The following SLC38A1 variants were observed in gnomAD, a reference collection of about 807,000 sequenced individuals.
The protein encoded by SLC38A1 is sodium-coupled neutral amino acid symporter 1.
A neutral mutation model predicts 60.3 loss-of-function variants in SLC38A1; 18 were observed. The ratio of observed to expected loss-of-function variants is 0.30; its 90% confidence interval spans 0.21 to 0.44. The LOEUF (loss-of-function observed/expected upper bound fraction) is 0.44. Among genes scored for constraint, SLC38A1 ranks in the 20% least tolerant of loss-of-function variants. The pLI is 1.00. For synonymous variants in SLC38A1, 196 were observed against 212.1 expected, an observed-to-expected ratio of 0.92 and a Z score of 0.66; for missense variants, 448 against 587.2, an observed-to-expected ratio of 0.76 and a Z score of 2.45.
At chr12:46,201,448 C>A (rs1939656072) in intron 12 of SLC38A1, among the ~76,000 whole-genome samples, 1 of 152,138 alleles carries the variant, frequency 6.6e-6, no homozygotes, top group Admixed American at 6.5e-5. Flanking sequence ...ATATCGAGTT[C>A]TCATCGGAAG....
At chr12:46,197,218 G>A (rs1378663874) in intron 16 of SLC38A1, among the ~76,000 whole-genome samples, 1 of 152,148 alleles carries the variant, frequency 6.6e-6, no homozygotes, top group Non-Finnish European at 1.5e-5. Context: ...GGCCGGGCGC[G>A]ATGGCTCATG....
At chr12:46,201,076 T>G in intron 13 of SLC38A1, 22 bp downstream of exon 13, 1 of 1,458,352 alleles carries the variant, frequency 6.9e-7, no homozygotes, top group East Asian at 2.3e-5. Flanking sequence ...TTTATATTTA[T>G]GTACCAGTAG....
intron 5 of SLC38A1, among the ~76,000 whole-genome samples, chr12:46,212,502 A>G (rs978536421): frequency 3.9e-5 from 6 of 152,206 alleles, no homozygotes; most frequent in Non-Finnish European, 7.3e-5. Context: ...TTCATCTTTG[A>G]GGAGAAGATC....
At chr12:46,190,572 T>C (rs1046233238) in intron 16 of SLC38A1, among the ~76,000 whole-genome samples, 3 of 152,234 alleles carry the variant, frequency 2.0e-5, no homozygotes, top group Non-Finnish European at 4.4e-5. Context: ...AGTGTTCCTA[T>C]TTCTCCACAT....
intron 6 of SLC38A1, among the ~76,000 whole-genome samples, chr12:46,208,820 T>C (rs945742976): frequency 6.6e-6 from 1 of 152,216 alleles, no homozygotes; most frequent in African/African-American, 2.4e-5. Context: ...TAATTGAGGG[T>C]TCACTTTAAG....
At chr12:46,195,440 G>C (rs866999052) in intron 16 of SLC38A1, among the ~76,000 whole-genome samples, 1 of 152,194 alleles carries the variant, frequency 6.6e-6, no homozygotes, top group African/African-American at 2.4e-5. Flanking sequence ...CTTGGAGCTC[G>C]AATGCCATGC....
intron 3 of SLC38A1, 145 bp downstream of exon 3, chr12:46,239,534 G>A: frequency 1.3e-6 from 1 of 783,988 alleles, no homozygotes; most frequent in Non-Finnish European, 2.0e-6. Flanking sequence ...CATGTTGGTG[G>A]GTTTCACCAT....
chr12:46,261,234 G>A (rs574711329), intron 1 of SLC38A1, among the ~76,000 whole-genome samples: 102 of 152,194 alleles, frequency 6.7e-4, no homozygotes, highest in Non-Finnish European at 1.3e-3. Flanking sequence ...AATGACCAAC[G>A]CAGGCATTGC....
chr12:46,209,431 T>C (rs1344971487), intron 5 of SLC38A1, among the ~76,000 whole-genome samples: 1 of 152,168 alleles, frequency 6.6e-6, no homozygotes, highest in Admixed American at 6.5e-5. Context: ...AAGGCTTTTG[T>C]AGTCTATGTT....
chr12:46,246,473 G>A (rs1254768125), intron 1 of SLC38A1, among the ~76,000 whole-genome samples: 2 of 152,240 alleles, frequency 1.3e-5, no homozygotes, highest in Non-Finnish European at 2.9e-5. Context: ...CACCATTTCT[G>A]AGGCTTGAAT....
chr12:46,251,884 TTGG>T (rs1208619180), intron 1 of SLC38A1, among the ~76,000 whole-genome samples: 1 of 152,158 alleles, frequency 6.6e-6, no homozygotes, highest in African/African-American at 2.4e-5. Context: ...TTTTACACTC[TTGG>T]TGGGAGTGTA....
At chr12:46,207,060 A>T (rs573528941) in intron 8 of SLC38A1, 95 bp downstream of exon 8, 1 of 815,682 alleles carries the variant, frequency 1.2e-6, no homozygotes, top group East Asian at 2.8e-5. Context: ...CCTAGGAAAA[A>T]CTTTCTGCAA....
rs371675671 is a variant in SLC38A1, at chr12:46,193,759, C to CTT, written c.1362+3959_1362+3960dup. 2.9e-3 allele frequency among the ~76,000 whole-genome samples: 432 copies of CTT among 147,226 alleles called. 1 individual carries two copies. Among genetic ancestry groups the CTT allele is most frequent in the African/African-American group, 0.01 (418 of 40,332 alleles). On this transcript the variant is annotated intron_variant, in intron 16 of 16. Transcript: ENST00000398637. ...TCAGAGACTAGGATGGCAAGTCCTG[C>CTT]TTTTTTTTTTGCTTTCCATTTGCTT...
At chr12:46,249,132 G>A (rs1402341754) in intron 1 of SLC38A1, among the ~76,000 whole-genome samples, 2 of 145,316 alleles carry the variant, frequency 1.4e-5, no homozygotes, top group African/African-American at 5.2e-5. Flanking sequence ...CTCCAGACAG[G>A]GTGATAGAGT....
In SLC38A1 at chr12:46,268,011, G is replaced by A. The variant is rs1466609257; in HGVS notation, c.-209+515C>T. 6.6e-6 allele frequency among the ~76,000 whole-genome samples: 1 copy of A among 152,182 alleles called. No individual in the cohort carries two copies. The highest frequency in any genetic ancestry group is 1.5e-5 in the Non-Finnish European group (1 of 68,028). On this transcript the variant is annotated intron_variant, in intron 1 of 16. Coordinates refer to ENST00000398637, the MANE Select transcript of SLC38A1 (RefSeq NM_030674.4). This position sits in a 1 kb window ranked among gnomAD's most constrained non-coding sequence, Gnocchi z 4.4. Reference sequence around the variant, plus strand: ...GGCAAACATGCCCCGGTTTAGTGGTGGTCCGCGGCCGCTACCCAGCCGGCC... The same window carrying A: ...GGCAAACATGCCCCGGTTTAGTGGTAGTCCGCGGCCGCTACCCAGCCGGCC...
intron 5 of SLC38A1, among the ~76,000 whole-genome samples, chr12:46,225,917 G>T (rs528213178): frequency 6.6e-6 from 1 of 152,260 alleles, no homozygotes; most frequent in South Asian, 2.1e-4. Context: ...TAAAAGGAAA[G>T]AAATGGGAAA....
At chr12:46,266,745 C>T (rs1942364949) in intron 1 of SLC38A1, among the ~76,000 whole-genome samples, 1 of 152,002 alleles carries the variant, frequency 6.6e-6, no homozygotes, top group Non-Finnish European at 1.5e-5. Flanking sequence ...CACAGTAAGC[C>T]CTCTGTAGAA....
At position 46,191,462 on chromosome 12, in the gene SLC38A1, A is replaced by C. The variant is rs1335370380; in HGVS notation, c.1363-2391T>G. On this transcript the variant is annotated intron_variant, in intron 16 of 16. Coordinates refer to ENST00000398637, the MANE Select transcript of SLC38A1 (RefSeq NM_030674.4). ...AATTTTAAAGTAGTTTTTTCCAATT[A>C]TGTGAAGAAAGTCAGTGGTAGATTG... Among the ~76,000 whole-genome samples the C allele has an allele frequency of 1.5e-4, 23 of 152,202 alleles. 1 individual carries two copies. In the South Asian group the frequency reaches 4.6e-3, roughly 30 times the overall value.
intron 14 of SLC38A1, 105 bp from the exon 15 acceptor site, chr12:46,198,165 G>T: frequency 8.3e-7 from 1 of 1,208,236 alleles, no homozygotes; most frequent in Non-Finnish European, 1.2e-6. Flanking sequence ...TTCATGAAAT[G>T]TTTTGTAATG....
Sources: allele counts gnomAD v4.1 joint callset (sites outside exome capture counted in the v4.1 genomes callset), GRCh38; gene constraint gnomAD v4.1.1; non-coding constraint Gnocchi (gnomAD v3.1); transcripts MANE v1.5; gene names NCBI Gene and HGNC (gene_info 2026-07-23, HGNC 2026-07-21).